The following RNF103 variants were observed in gnomAD, a reference collection of about 807,000 sequenced individuals.
RNF103 encodes ring finger protein 103, also known as E3 ubiquitin-protein ligase RNF103.
In RNF103, 23 loss-of-function variants were observed where a neutral mutation model predicts 66.2. The observed-to-expected ratio is 0.35, with a 90% CI of 0.25 to 0.49. The LOEUF is 0.49. Among genes scored for constraint, RNF103 ranks in the 20% least tolerant of loss-of-function variants. The pLI, the probability that RNF103 is intolerant of heterozygous loss-of-function variation, is 0.98. For synonymous variants in RNF103, 297 were observed against 289.9 expected (o/e 1.02, Z -0.25); for missense variants, 730 against 814.7 (o/e 0.90, Z 1.27).
chr2:86,607,050 T>C (rs1678596270), intron 3 of RNF103, among the ~76,000 whole-genome samples: 1 of 152,214 alleles, frequency 6.6e-6, no homozygotes, highest in Non-Finnish European at 1.5e-5. Flanking sequence ...GAAGAGTTAA[T>C]CTTTTGTTTT....
At position 86,604,968 on chromosome 2, in the gene RNF103, G is replaced by C. The variant is rs1173533757; in HGVS notation, c.933C>G (p.Ala311=). ...GTAATGAGCGCAAAAATGAATCCAT[G>C]GCCTGAAGGGATATAAATTCGCCTG... ...NHTGEFISLQ[A]MDSFLRSLQP... is the part of the protein sequence containing the mutation. The change falls in exon 4 of 4, where the codon GCC becomes GCG. Residue 311 remains alanine (A), a synonymous_variant. Coordinates refer to ENST00000237455, the MANE Select transcript of RNF103 (RefSeq NM_005667.4). The C allele has an allele frequency of 3.1e-6, 5 of 1,613,952 alleles. No individual in the cohort carries two copies. The Admixed American group carries it at 8.3e-5, about 27-fold the overall frequency.
Position 86,613,454 on chromosome 2 carries a change from T to C in RNF103, c.367-1180A>G, listed in dbSNP as rs573674321. On this transcript the variant is annotated intron_variant, in intron 2 of 3. Transcript: ENST00000237455. ...GGAAAGCCAAAAATGTCTAAAGTCA[T>C]CATGAAACCATCTGTTTAAGTCCAG... 5 of 152,276 alleles carry C rather than the reference T, an allele frequency of 3.3e-5. No individual in the cohort carries two copies. In the East Asian group the frequency reaches 9.6e-4, roughly 29 times the overall value. 9.4% of individuals were successfully genotyped at this position (152,276 alleles called of 1,614,324 possible). A position where few individuals can be genotyped will look rare whatever the true frequency, so the allele number is the denominator to read the frequency against.
chr2:86,612,277 A>G lies in RNF103; in HGVS notation c.367-3T>C. On this transcript the variant is annotated splice_polypyrimidine_tract_variant and splice_region_variant and intron_variant, in intron 2 of 3. Coordinates refer to ENST00000237455, the MANE Select transcript of RNF103 (RefSeq NM_005667.4). ...GGACTTCTGTCATTTGCTATGACCTATTCCCAAAAATAGAGAAAAAGAAAC... is the reference window on the plus strand; with the variant it reads ...GGACTTCTGTCATTTGCTATGACCTGTTCCCAAAAATAGAGAAAAAGAAAC... 6.4e-7 allele frequency: 1 copy of G among 1,564,902 alleles called. No homozygotes were observed. Among genetic ancestry groups the G allele is most frequent in the Non-Finnish European group, 8.7e-7 (1 of 1,146,880 alleles).
At position 86,605,029 on chromosome 2, in the gene RNF103, C is replaced by T. The variant is rs1255328996; in HGVS notation, c.872G>A (p.Arg291Lys). The T allele has an allele frequency of 1.2e-6, 2 of 1,614,070 alleles. No homozygotes were observed. Among genetic ancestry groups the T allele is most frequent in the East Asian group, 4.5e-5 (2 of 44,864 alleles). ...GIYNMPSYILRTPEGIYRYGN... is the reference protein window; with the variant it reads ...GIYNMPSYILKTPEGIYRYGN... ...ATACCTGTAAATTCCTTCAGGAGTT[C>T]TAAGTATGTATGATGGCATATTATA... The change falls in exon 4 of 4, where the codon AGA (arginine) becomes AAA (lysine). Residue 291 changes from arginine to lysine, a missense_variant. Arg to Lys is a conservative substitution (Grantham distance 26). Coordinates refer to ENST00000237455, the MANE Select transcript of RNF103 (RefSeq NM_005667.4).
At chr2:86,616,163 C>T (rs1191863027) in intron 2 of RNF103, among the ~76,000 whole-genome samples, 1 of 152,032 alleles carries the variant, frequency 6.6e-6, no homozygotes, top group Non-Finnish European at 1.5e-5. Flanking sequence ...TTTAAAATGC[C>T]CATTATTTAG....
At chr2:86,616,697 C>T (rs954958151) in intron 2 of RNF103, 5 of 985,306 alleles carry the variant, frequency 5.1e-6, no homozygotes, top group Admixed American at 1.2e-4. Flanking sequence ...TATTTTAAAT[C>T]ATATGATGCT....
At chr2:86,612,467 C>T in intron 2 of RNF103, 193 bp from the exon 3 acceptor site, 2 of 501,346 alleles carry the variant, frequency 4.0e-6, no homozygotes, top group South Asian at 2.7e-5. Flanking sequence ...ACTTGAAACA[C>T]TGAAACGTAA....
intron 3 of RNF103, among the ~76,000 whole-genome samples, chr2:86,606,766 T>A (rs1678582853): frequency 6.6e-6 from 1 of 152,004 alleles, no homozygotes; most frequent in African/African-American, 2.4e-5. Flanking sequence ...TTTTATTTTT[T>A]AATTTTTAGT....
chr2:86,604,503 G>A lies in RNF103; in HGVS notation c.1398C>T (p.Leu466=), dbSNP rs1375810675. ...TCTGAAAAGAAGCAATCGGGTGGAA[G>A]AGGTAGCTGGTGTACCAGTCCCACA... ...SSLWDWYTSY[L]FHPIASFQNF... is the part of the protein sequence containing the mutation. The change falls in exon 4 of 4, where the codon CTC becomes CTT. Residue 466 remains leucine, a synonymous_variant. Coordinates refer to ENST00000237455, the MANE Select transcript of RNF103 (RefSeq NM_005667.4). 1.2e-6 allele frequency: 2 copies of A among 1,614,248 alleles called. No individual in the cohort carries two copies. Among genetic ancestry groups the A allele is most frequent in the South Asian group, 1.1e-5 (1 of 91,088 alleles).
rs1679301604 is a variant in RNF103, at chr2:86,623,199, G to C, written c.-313C>G. On this transcript the variant is annotated 5_prime_UTR_variant, in exon 1 of 4. Coordinates refer to ENST00000237455, the MANE Select transcript of RNF103 (RefSeq NM_005667.4). ...CACAGAAAGGAGAGGGGCGCGGGGA[G>C]AGCTCGCGGGGAAGAACAAAACGAG... 3.9e-6 allele frequency: 4 copies of C among 1,033,602 alleles called. No individual in the cohort carries two copies. The highest frequency in any genetic ancestry group is 1.2e-4 in the Admixed American group (2 of 16,988). The allele number at this position is 1,033,602 out of a possible 1,614,324, so 64.0% of individuals were successfully genotyped here. A position where few individuals can be genotyped will look rare whatever the true frequency, so the allele number is the denominator to read the frequency against.
chr2:86,614,270 G>C (rs1678923514), intron 2 of RNF103: 1 of 152,134 alleles, frequency 6.6e-6, no homozygotes, highest in Non-Finnish European at 1.5e-5. Flanking sequence ...TAAGTCCCTA[G>C]CTTTACATTT....
intron 3 of RNF103, 137 bp from the exon 4 acceptor site, chr2:86,605,555 G>A (rs1678515112): frequency 1.3e-6 from 1 of 798,454 alleles, no homozygotes; most frequent in East Asian, 2.9e-5. Context: ...CTACTTGGCA[G>A]CTGTGAAAAA....
At chr2:86,606,731 G>A (rs967041316) in intron 3 of RNF103, among the ~76,000 whole-genome samples, 1 of 150,034 alleles carries the variant, frequency 6.7e-6, no homozygotes, top group African/African-American at 2.4e-5. Context: ...TAAAGAGACT[G>A]TAAGTGAAAA....
intron 2 of RNF103, chr2:86,614,031 G>C (rs1051481423): frequency 5.9e-5 from 9 of 152,082 alleles, no homozygotes; most frequent in Admixed American, 3.9e-4. Flanking sequence ...CCTGGCCTCA[G>C]GGTTCCTTCT....
chr2:86,615,063 G>C (rs1678964770), intron 2 of RNF103: 2 of 985,216 alleles, frequency 2.0e-6, no homozygotes, highest in Non-Finnish European at 2.4e-6. Context: ...TCCAATGTTA[G>C]GAAAAGAAGG....
intron 3 of RNF103, among the ~76,000 whole-genome samples, chr2:86,607,505 T>C (rs1466688279): frequency 1.3e-5 from 2 of 148,588 alleles, no homozygotes; most frequent in Non-Finnish European, 2.9e-5. Flanking sequence ...TAGCTTCTTG[T>C]TGAGTTGATT....
rs1166624170 is a variant in RNF103 at position 86,623,486 on chromosome 2, G to A, written c.-600C>T. ...GAGCGGCCGCCGCAACGCCGCGCCC[G>A]AAGCCCAGGCCCCAGGCCCCGCCGA... is the stretch of plus-strand genomic sequence containing the variant. On this transcript the variant is annotated 5_prime_UTR_variant, in exon 1 of 4. Coordinates refer to ENST00000237455, the MANE Select transcript of RNF103 (RefSeq NM_005667.4). 2 of 982,738 alleles carry A rather than the reference G, an allele frequency of 2.0e-6. No homozygotes were observed. The highest frequency in any genetic ancestry group is 2.4e-6 in the Non-Finnish European group (2 of 828,968). 60.9% of individuals were successfully genotyped at this position (982,738 alleles called of 1,614,324 possible). A position where few individuals can be genotyped will look rare whatever the true frequency, so the allele number is the denominator to read the frequency against.
Position 86,620,394 on chromosome 2 carries a change from A to C in RNF103, c.302T>G (p.Phe101Cys). Residue 101 changes from phenylalanine (F) to cysteine (C), a missense_variant, in exon 2 of 4, where the codon TTC (phenylalanine) becomes TGC (cysteine). Coordinates refer to ENST00000237455, the MANE Select transcript of RNF103 (RefSeq NM_005667.4). ...CTCATAGAAGTGCATTTCACCACTGAAATTGGTACTAGAAACCGATTCGGA... is the reference window on the plus strand; with the variant it reads ...CTCATAGAAGTGCATTTCACCACTGCAATTGGTACTAGAAACCGATTCGGA... ...EASESVSSTN[F>C]SGEMHFYELV... is the part of the protein sequence containing the mutation. The C allele has an allele frequency of 3.1e-6, 5 of 1,608,342 alleles. No individual in the cohort carries two copies. The highest frequency in any genetic ancestry group is 4.3e-6 in the Non-Finnish European group (5 of 1,175,746).
At chr2:86,607,650 A>G (rs1325173476) in intron 3 of RNF103, among the ~76,000 whole-genome samples, 1 of 152,226 alleles carries the variant, frequency 6.6e-6, no homozygotes, top group Non-Finnish European at 1.5e-5. Flanking sequence ...CATGAATTCT[A>G]TTTTTACCGT....
Sources: allele counts gnomAD v4.1 joint callset (sites outside exome capture counted in the v4.1 genomes callset), GRCh38; gene constraint gnomAD v4.1.1; transcripts MANE v1.5; gene names NCBI Gene and HGNC (gene_info 2026-07-23, HGNC 2026-07-21).